CLCN7: variants seen among roughly 807,000 people sequenced by gnomAD.
The protein encoded by CLCN7 is H(+)/Cl(-) exchange transporter 7.
Under a neutral mutation model 102.1 loss-of-function variants are expected in CLCN7, and 60 were observed. The observed-to-expected ratio is 0.59, with a 90% CI of 0.48 to 0.73. The LOEUF (loss-of-function observed/expected upper bound fraction) is 0.73. Ranked by LOEUF, CLCN7 falls within the 30% of genes least tolerant of loss-of-function variation. The probability of loss-of-function intolerance (pLI) is 0.00; values close to 1 mark genes in which losing one functional copy is unlikely to be tolerated. For missense variants in CLCN7, 962 were observed against 1,125.7 expected (o/e 0.85, Z 2.08); for synonymous variants, 560 against 490.5 (o/e 1.14, Z -1.87).
At chr16:1,449,728 G>T in intron 17 of CLCN7, 1 of 270,106 alleles carries the variant, frequency 3.7e-6, no homozygotes, top group East Asian at 6.8e-5. Flanking sequence ...ACGAGGGTCG[G>T]TGGGCACAGG....
Position 1,447,703 on chromosome 16 carries a change from G to T in CLCN7, c.2025C>A (p.Leu675=), listed in dbSNP as rs1264299078. The T allele has an allele frequency of 1.9e-6, 3 of 1,554,456 alleles. 1 individual carries two copies. The highest frequency in any genetic ancestry group is 2.4e-5 in the East Asian group (1 of 41,262). ...GCTGGGAGCGCAGGATCAGGCCCTGGAGCCGGGCAGGCTGCAAGACAGGCC... is the reference window on the plus strand; with the variant it reads ...GCTGGGAGCGCAGGATCAGGCCCTGTAGCCGGGCAGGCTGCAAGACAGGCC... ...EHADDTQPAR[L]QGLILRSQLI... Residue 675 remains leucine, a synonymous_variant, in exon 22 of 25, where the codon CTC becomes CTA. Coordinates refer to ENST00000382745, the MANE Select transcript of CLCN7 (RefSeq NM_001287.6).
At chr16:1,452,965 C>T (rs1192023453) in intron 14 of CLCN7, 72 bp from the exon 15 acceptor site, 14 of 1,542,174 alleles carry the variant, frequency 9.1e-6, no homozygotes, top group Admixed American at 2.0e-5. Flanking sequence ...CATGGCAACT[C>T]GAGTCCCTGA....
At chr16:1,454,244 C>T (rs1362505232) in intron 13 of CLCN7, among the ~76,000 whole-genome samples, 167 bp downstream of exon 13, 2 of 152,240 alleles carry the variant, frequency 1.3e-5, no homozygotes, top group African/African-American at 2.4e-5. Flanking sequence ...CTTTGGGCTC[C>T]CCACTCCCCA....
intron 2 of CLCN7, 86 bp from the exon 3 acceptor site, chr16:1,461,760 A>G: frequency 1.8e-6 from 2 of 1,112,012 alleles, no homozygotes; most frequent in Non-Finnish European, 2.7e-6. Context: ...CGAGGCCATT[A>G]TCATCCCGAC....
At chr16:1,462,674 A>ACAAC (rs1555466080) in intron 2 of CLCN7, among the ~76,000 whole-genome samples, 3,300 of 144,518 alleles carry the variant, frequency 0.023, 55 homozygotes, top group African/African-American at 0.034. Flanking sequence ...CCAAAAAAAA[A>ACAAC]AAAAAAAAAA....
At position 1,447,097 on chromosome 16, in the gene CLCN7, G is replaced by C. The variant is rs756783139; in HGVS notation, c.2251-11C>G. ...TGGGAGCGACGCCTCCTGCAGCAGG[G>C]GCACAGCTGTCAGTGCCCGCCCACA... On this transcript the variant is annotated splice_polypyrimidine_tract_variant and intron_variant, in intron 23 of 24. Transcript: ENST00000382745. The C allele has an allele frequency of 1.3e-6, 2 of 1,589,284 alleles. No individual in the cohort carries two copies. The highest frequency in any genetic ancestry group is 1.7e-4 in the Middle Eastern group (1 of 5,998).
Position 1,460,862 on chromosome 16 carries a change from G to T in CLCN7, c.438C>A (p.Ile146=). The change falls in exon 5 of 25, where the codon ATC becomes ATA. Residue 146 remains isoleucine, a synonymous_variant. Transcript: ENST00000382745. ...LTGLVACFID[I]VVENLAGLKY... ...TGAGGCCAGCCAGGTTTTCCACCAC[G>T]ATGTCAATGAAGCAGGCCACGAGGC... 1.9e-6 allele frequency: 3 copies of T among 1,614,038 alleles called. No homozygotes were observed. Among genetic ancestry groups the T allele is most frequent in the Non-Finnish European group, 2.5e-6 (3 of 1,179,952 alleles).
rs2038645850 is a variant in CLCN7, at chr16:1,446,512, G to T, written c.*119C>A. ...TGCCGCCTGCCCGCCCAGCTGCAGG[G>T]TGCTCGCCATTGCCACTGCTGGGGA... On this transcript the variant is annotated 3_prime_UTR_variant, in exon 25 of 25. Transcript: ENST00000382745. 2 of 918,154 alleles carry T rather than the reference G, an allele frequency of 2.2e-6. No individual in the cohort carries two copies. Among genetic ancestry groups the T allele is most frequent in the African/African-American group, 1.6e-5 (1 of 61,292 alleles). The allele number at this position is 918,154 out of a possible 1,614,324, so 56.9% of individuals were successfully genotyped here.
intron 10 of CLCN7, 144 bp from the exon 11 acceptor site, chr16:1,455,939 C>A: frequency 9.4e-7 from 1 of 1,060,880 alleles, no homozygotes; most frequent in Non-Finnish European, 1.4e-6. Flanking sequence ...GAGAGGGACC[C>A]TGAGGGAGGT....
intron 1 of CLCN7, among the ~76,000 whole-genome samples, chr16:1,473,916 C>G (rs928345957): frequency 6.6e-6 from 1 of 151,848 alleles, no homozygotes; most frequent in African/African-American, 2.4e-5. Flanking sequence ...GGAACCCCGT[C>G]TCTACTAAAA....
Position 1,450,642 on chromosome 16 carries a change from C to T in CLCN7, c.1472G>A (p.Gly491Asp). The change falls in exon 17 of 25, where the codon GGC (glycine) becomes GAC (aspartate). Residue 491 changes from glycine to aspartate, a missense_variant. Physicochemically the swap from Gly to Asp is moderately conservative, Grantham distance 94. Transcript: ENST00000382745. ...GAAGAAGTAGACCAGCGTGAACAGG[C>T]CGAGGGTCAGGGGGTTGTAGGAGCC... is the stretch of plus-strand genomic sequence containing the variant. ...PPGSYNPLTL[G>D]LFTLVYFFLA... 1 of 1,611,994 alleles carries T rather than the reference C, an allele frequency of 6.2e-7. No homozygotes were observed. The highest frequency in any genetic ancestry group is 8.5e-7 in the Non-Finnish European group (1 of 1,179,348).
At position 1,456,406 on chromosome 16, in the gene CLCN7, G is replaced by C. The variant is rs59270867; in HGVS notation, c.823-200C>G. Among the ~76,000 whole-genome samples the C allele has an allele frequency of 0.075, 11,472 of 152,228 alleles. 774 individuals carry two copies. The highest frequency in any genetic ancestry group is 0.17 in the African/African-American group (7,075 of 41,512). On this transcript the variant is annotated intron_variant, in intron 9 of 24. Transcript: ENST00000382745. Reference sequence around the variant, plus strand: ...GGTCAGCACCACCACCGGCAGCCCAGGGAAACACGCAAACACCCAGCCAGG... The same window carrying C: ...GGTCAGCACCACCACCGGCAGCCCACGGAAACACGCAAACACCCAGCCAGG...
intron 1 of CLCN7, among the ~76,000 whole-genome samples, chr16:1,473,809 C>T (rs2039112314): frequency 1.3e-5 from 2 of 152,250 alleles, no homozygotes; most frequent in South Asian, 4.1e-4. Flanking sequence ...TACGGCCAGG[C>T]GCAGTGGCTC....
chr16:1,460,767 C>T (rs763759086), intron 5 of CLCN7, 49 bp downstream of exon 5: 1 of 1,613,196 alleles, frequency 6.2e-7, no homozygotes, highest in South Asian at 1.1e-5. Context: ...GGACTCGGCC[C>T]AGGCCACGCC....
chr16:1,470,746 G>A (rs2039067209), intron 1 of CLCN7, among the ~76,000 whole-genome samples: 1 of 152,196 alleles, frequency 6.6e-6, no homozygotes, highest in South Asian at 2.1e-4. Flanking sequence ...GACGACCCCA[G>A]ACCCTCCCCC....
In CLCN7 at chr16:1,455,786, A is replaced by G; in HGVS notation, c.926T>C (p.Leu309Pro). Reference sequence around the variant, plus strand: ...GGACGCACCCTCCTCCAAGCTGAACAGGACCCCACCTGGAAGGCAGGCGGC... The same window carrying G: ...GGACGCACCCTCCTCCAAGCTGAACGGGACCCCACCTGGAAGGCAGGCGGC... The part of the protein sequence containing the change: ...AAFGAPVGGV[L>P]FSLEEGASFW... Residue 309 changes from leucine (L) to proline (P), a missense_variant, in exon 11 of 25, where the codon CTG (leucine) becomes CCG (proline). This residue lies in a region of CLCN7 where 799 missense variants were observed against 988.0 expected (regional missense o/e 0.81). Coordinates refer to ENST00000382745, the MANE Select transcript of CLCN7 (RefSeq NM_001287.6). 6.2e-7 allele frequency: 1 copy of G among 1,613,586 alleles called. No individual in the cohort carries two copies.
chr16:1,453,994 G>T, intron 13 of CLCN7, 100 bp from the exon 14 acceptor site: 1 of 1,215,874 alleles, frequency 8.2e-7, no homozygotes, highest in Non-Finnish European at 1.2e-6. Flanking sequence ...GGTTTGCAGA[G>T]GGAAGGGGAC....
intron 1 of CLCN7, among the ~76,000 whole-genome samples, chr16:1,470,066 G>C (rs1037144752): frequency 6.6e-6 from 1 of 152,386 alleles, no homozygotes; most frequent in East Asian, 1.9e-4. Flanking sequence ...GGAGAGCGTT[G>C]AATGGGTGCA....
Position 1,461,394 on chromosome 16 carries a change from G to A in CLCN7, c.351+11C>T, listed in dbSNP as rs762271473. On this transcript the variant is annotated intron_variant, in intron 4 of 24. Coordinates refer to ENST00000382745, the MANE Select transcript of CLCN7 (RefSeq NM_001287.6). ...ACCGTGGGGCCCTGCAGGGAGCGGC[G>A]TCCAGCTCACCGTGTGATTGATCCG... is the stretch of plus-strand genomic sequence containing the variant. 2.6e-5 allele frequency: 41 copies of A among 1,548,172 alleles called. No individual in the cohort carries two copies. Among genetic ancestry groups the A allele is most frequent in the Non-Finnish European group, 2.8e-5 (32 of 1,146,470 alleles).
Sources: gnomAD v4.1 joint callset for allele counts (sites outside exome capture counted in the v4.1 genomes callset) on GRCh38, gnomAD v4.1.1 for gene constraint, gnomAD v4.1.1 regional missense constraint, MANE v1.5 for transcripts, NCBI Gene and HGNC (gene_info 2026-07-23, HGNC 2026-07-21) for gene names.